Variants in TTC29 observed in about 807,000 individuals in gnomAD.
TTC29 encodes tetratricopeptide repeat protein 29.
A neutral mutation model predicts 58.1 loss-of-function variants in TTC29; 49 were observed. The observed-to-expected ratio is 0.84, with a 90% CI of 0.67 to 1.07. The LOEUF is 1.07. Among genes scored for constraint, TTC29 ranks in the 50% least tolerant of loss-of-function variants. The pLI is 0.00. For synonymous variants in TTC29, 209 were observed against 196.8 expected (o/e 1.06, Z -0.52); for missense variants, 582 against 555.6 (o/e 1.05, Z -0.48).
At chr4:146,805,297 CT>C (rs879427748) in intron 10 of TTC29, among the ~76,000 whole-genome samples, 2 of 152,072 alleles carry the variant, frequency 1.3e-5, no homozygotes, top group Non-Finnish European at 2.9e-5. Flanking sequence ...CACAAAAAGG[CT>C]GAAAATTCCA....
intron 2 of TTC29, 69 bp downstream of exon 2, chr4:146,944,962 A>T (rs542685055): frequency 1.3e-5 from 2 of 152,336 alleles, no homozygotes; most frequent in South Asian, 4.2e-4. Flanking sequence ...ACCAGCTGAC[A>T]TTGATGGCTA....
intron 6 of TTC29, among the ~76,000 whole-genome samples, chr4:146,885,571 C>T (rs773384490): frequency 6.6e-6 from 1 of 152,020 alleles, no homozygotes; most frequent in Non-Finnish European, 1.5e-5. Context: ...ACACTTTAAT[C>T]ATCTGTCTAG....
intron 2 of TTC29, among the ~76,000 whole-genome samples, chr4:146,943,551 C>G (rs1736629741): frequency 6.6e-6 from 1 of 152,166 alleles, no homozygotes; most frequent in African/African-American, 2.4e-5. Flanking sequence ...CACATCCTAC[C>G]TTACCTATGC....
intron 5 of TTC29, among the ~76,000 whole-genome samples, chr4:146,905,339 T>A (rs1192206123): frequency 2.0e-5 from 3 of 148,596 alleles, no homozygotes; most frequent in African/African-American, 4.9e-5. Flanking sequence ...TATATATATA[T>A]AATTAAAAAT....
At chr4:146,843,213 T>C (rs1450496220) in intron 8 of TTC29, among the ~76,000 whole-genome samples, 1 of 152,130 alleles carries the variant, frequency 6.6e-6, no homozygotes, top group East Asian at 1.9e-4. Context: ...TCTTACATAC[T>C]TTATGAAAAG....
intron 4 of TTC29, among the ~76,000 whole-genome samples, chr4:146,931,484 T>C (rs1377450279): frequency 6.6e-6 from 1 of 152,242 alleles, no homozygotes; most frequent in Non-Finnish European, 1.5e-5. Context: ...CATTTACTTC[T>C]TGTAAGAATT....
In TTC29 at chr4:146,707,132, G is replaced by C. The variant is rs1486103396; in HGVS notation, c.*26C>G. The C allele has an allele frequency of 6.6e-7, 1 of 1,510,976 alleles. No homozygotes were observed. Among genetic ancestry groups the C allele is most frequent in the South Asian group, 1.3e-5 (1 of 75,650 alleles). The allele number at this position is 1,510,976 out of a possible 1,614,324, so 93.6% of individuals were successfully genotyped here. Reference sequence around the variant, plus strand: ...AAGGTGACATGATGGATTTCTTCTTGCTTTGATGTTAAGTGAAAAGCTGCT... The same window carrying C: ...AAGGTGACATGATGGATTTCTTCTTCCTTTGATGTTAAGTGAAAAGCTGCT... On this transcript the variant is annotated 3_prime_UTR_variant, in exon 13 of 13. Coordinates refer to ENST00000325106, the MANE Select transcript of TTC29 (RefSeq NM_031956.4).
chr4:146,853,068 A>G (rs980668827), intron 8 of TTC29, among the ~76,000 whole-genome samples: 1 of 152,110 alleles, frequency 6.6e-6, no homozygotes, highest in Non-Finnish European at 1.5e-5. Flanking sequence ...CAACCTATGT[A>G]AAACCTATTA....
intron 11 of TTC29, among the ~76,000 whole-genome samples, chr4:146,791,591 A>G (rs1749454678): frequency 6.6e-6 from 1 of 152,010 alleles, no homozygotes; most frequent in Admixed American, 6.6e-5. Flanking sequence ...CCAACTAATA[A>G]CCCTACACTG....
At chr4:146,801,888 A>G (rs1474546107) in intron 11 of TTC29, among the ~76,000 whole-genome samples, 1 of 141,760 alleles carries the variant, frequency 7.1e-6, no homozygotes, top group South Asian at 2.5e-4. Flanking sequence ...CTGAAGCAGG[A>G]GAATGGTGTG....
At chr4:146,923,866 T>G (rs1487126585) in intron 4 of TTC29, among the ~76,000 whole-genome samples, 1 of 151,858 alleles carries the variant, frequency 6.6e-6, no homozygotes. Flanking sequence ...AATATAAGAA[T>G]GCATTTCAAC....
intron 6 of TTC29, among the ~76,000 whole-genome samples, chr4:146,882,007 A>C (rs1473072133): frequency 1.3e-5 from 2 of 152,140 alleles, no homozygotes; most frequent in Non-Finnish European, 2.9e-5. Flanking sequence ...ATGCTACCCC[A>C]CACCAGTTAA....
At chr4:146,725,265 A>G (rs1186876897) in intron 11 of TTC29, among the ~76,000 whole-genome samples, 2 of 152,170 alleles carry the variant, frequency 1.3e-5, no homozygotes, top group African/African-American at 4.8e-5. Flanking sequence ...CCAGACTGGT[A>G]GATCACACCT....
chr4:146,720,494 A>G (rs1172477141), intron 11 of TTC29, among the ~76,000 whole-genome samples: 2 of 152,186 alleles, frequency 1.3e-5, no homozygotes, highest in Non-Finnish European at 2.9e-5. Context: ...TAAAGCAAAA[A>G]TTACACTTAA....
chr4:146,749,326 G>T (rs1745791736), intron 11 of TTC29, among the ~76,000 whole-genome samples: 1 of 151,754 alleles, frequency 6.6e-6, no homozygotes, highest in African/African-American at 2.4e-5. Flanking sequence ...AAACTAAAAA[G>T]ATATAAAAAG....
At chr4:146,883,652 T>C (rs1165455599) in intron 6 of TTC29, among the ~76,000 whole-genome samples, 1 of 152,064 alleles carries the variant, frequency 6.6e-6, no homozygotes, top group East Asian at 1.9e-4. Context: ...CTGAACAGTT[T>C]ATTCAGTGTA....
At chr4:146,859,369 CTTGT>C in intron 8 of TTC29, among the ~76,000 whole-genome samples, 1 of 152,164 alleles carries the variant, frequency 6.6e-6, no homozygotes, top group African/African-American at 2.4e-5. Context: ...TCCTTCCCCT[CTTGT>C]TTATTATTTT....
intron 10 of TTC29, among the ~76,000 whole-genome samples, chr4:146,804,353 T>C (rs77846067): frequency 0.062 from 9,476 of 151,876 alleles, 393 homozygotes; most frequent in Admixed American, 0.13. Flanking sequence ...TTTTTCACAC[T>C]CCAGTGTTGC....
chr4:146,710,641 C>G (rs1490615299), intron 11 of TTC29, among the ~76,000 whole-genome samples: 1 of 152,044 alleles, frequency 6.6e-6, no homozygotes, highest in African/African-American at 2.4e-5. Context: ...GATGTTTGAT[C>G]TGTAGGACTT....
Sources: allele counts gnomAD v4.1 joint callset (sites outside exome capture counted in the v4.1 genomes callset), GRCh38; gene constraint gnomAD v4.1.1; transcripts MANE v1.5; gene names NCBI Gene and HGNC (gene_info 2026-07-23, HGNC 2026-07-21).